ELOVL4: variants seen among roughly 807,000 people sequenced by gnomAD.
ELOVL4 encodes very long chain fatty acid elongase 4.
A neutral mutation model predicts 42.1 loss-of-function variants in ELOVL4; 18 were observed. The observed-to-expected ratio is 0.43, with a 90% CI of 0.30 to 0.63. ELOVL4 has a LOEUF of 0.63. Among genes scored for constraint, ELOVL4 ranks in the 30% least tolerant of loss-of-function variants. ELOVL4 has a pLI of 0.15. For missense variants in ELOVL4, 299 were observed against 376.2 expected, an observed-to-expected ratio of 0.79 and a Z score of 1.70; for synonymous variants, 117 against 127.0, an observed-to-expected ratio of 0.92 and a Z score of 0.53.
In ELOVL4 at chr6:79,920,714, A is replaced by G. The variant is rs796766559; in HGVS notation, c.541+911T>C. On this transcript the variant is annotated intron_variant, in intron 4 of 5. Coordinates refer to ENST00000369816, the MANE Select transcript of ELOVL4 (RefSeq NM_022726.4). The stretch of plus-strand genomic sequence containing the variant: ...AAGCAAAGATGTCACCCGTGTGGAC[A>G]TTATCTGTGGTTGTTTGGCATCAAC... Among the ~76,000 whole-genome samples the G allele has an allele frequency of 7.2e-5, 11 of 152,324 alleles. No homozygotes were observed. In the East Asian group the frequency reaches 1.2e-3, roughly 16 times the overall value.
chr6:79,937,226 G>C (rs1774558832), intron 1 of ELOVL4, among the ~76,000 whole-genome samples: 1 of 152,132 alleles, frequency 6.6e-6, no homozygotes, highest in African/African-American at 2.4e-5. Flanking sequence ...TTCTATAACA[G>C]TTACCCAAGA....
chr6:79,937,477 G>C (rs1031986082), intron 1 of ELOVL4, among the ~76,000 whole-genome samples: 5 of 152,078 alleles, frequency 3.3e-5, no homozygotes, highest in African/African-American at 1.2e-4. Context: ...AATTTGACAG[G>C]GTTAGTATTA....
At chr6:79,926,127 T>G in intron 2 of ELOVL4, 67 bp downstream of exon 2, 1 of 1,360,624 alleles carries the variant, frequency 7.3e-7, no homozygotes, top group Non-Finnish European at 1.0e-6. Flanking sequence ...AATGATGGTT[T>G]TACACATTCT....
chr6:79,935,653 G>C (rs976301041), intron 1 of ELOVL4, among the ~76,000 whole-genome samples: 1 of 152,154 alleles, frequency 6.6e-6, no homozygotes, highest in Non-Finnish European at 1.5e-5. Flanking sequence ...TGGCCCTTTT[G>C]ATTCAGGTAA....
At chr6:79,917,630 G>A (rs1049284194) in intron 5 of ELOVL4, among the ~76,000 whole-genome samples, 7 of 152,088 alleles carry the variant, frequency 4.6e-5, no homozygotes, top group Non-Finnish European at 7.4e-5. Context: ...GACCAGCCTG[G>A]CCAACATGGT....
At chr6:79,932,967 C>G (rs1774474762) in intron 1 of ELOVL4, among the ~76,000 whole-genome samples, 1 of 152,060 alleles carries the variant, frequency 6.6e-6, no homozygotes, top group Non-Finnish European at 1.5e-5. Context: ...ATTAGAAAGA[C>G]CTACAAAAGT....
chr6:79,943,668 T>C (rs1362881107), intron 1 of ELOVL4, among the ~76,000 whole-genome samples: 15 of 152,132 alleles, frequency 9.9e-5, no homozygotes. Flanking sequence ...CCCTAGACTT[T>C]GCAAGATGCA....
intron 1 of ELOVL4, among the ~76,000 whole-genome samples, chr6:79,933,802 G>A (rs1561988507): frequency 1.3e-5 from 2 of 152,214 alleles, no homozygotes; most frequent in Non-Finnish European, 2.9e-5. Flanking sequence ...TAGGACATAA[G>A]AGATGATGGA....
chr6:79,932,551 C>CAA (rs33949073), intron 1 of ELOVL4, among the ~76,000 whole-genome samples: 23,512 of 142,026 alleles, frequency 0.17, 2,106 homozygotes, highest in South Asian at 0.36. Flanking sequence ...GACTCCTTCT[C>CAA]AAAAAAAAAA....
intron 1 of ELOVL4, among the ~76,000 whole-genome samples, chr6:79,928,174 T>C (rs1225191036): frequency 6.6e-6 from 1 of 152,152 alleles, no homozygotes; most frequent in African/African-American, 2.4e-5. Flanking sequence ...ACAAACTCTC[T>C]GTTCTAGGTC....
Position 79,941,857 on chromosome 6 carries a change from TG to T in ELOVL4, c.100+5322del, listed in dbSNP as rs1477546643. Among the ~76,000 whole-genome samples, 5 of 152,296 alleles carry T rather than the reference TG, an allele frequency of 3.3e-5. No individual in the cohort carries two copies. The Middle Eastern group carries it at 0.014, about 414-fold the overall frequency. On this transcript the variant is annotated intron_variant, in intron 1 of 5. Transcript: ENST00000369816. ...AAATATATGTGATAATCTCTGATGT[TG>T]GAGAGAAAGATACAAAGGAGTGAAG...
chr6:79,941,423 C>A (rs1774643120), intron 1 of ELOVL4, among the ~76,000 whole-genome samples: 1 of 152,182 alleles, frequency 6.6e-6, no homozygotes, highest in Non-Finnish European at 1.5e-5. Flanking sequence ...ATGAAGAGAA[C>A]AATCATATCT....
intron 1 of ELOVL4, among the ~76,000 whole-genome samples, chr6:79,942,386 C>T (rs965774139): frequency 6.6e-6 from 1 of 151,560 alleles, no homozygotes; most frequent in African/African-American, 2.4e-5. Context: ...ATAATGAAGA[C>T]GAAAAAAACA....
At chr6:79,919,572 C>A (rs767494464) in intron 4 of ELOVL4, 25 bp from the exon 5 acceptor site, 3 of 1,611,322 alleles carry the variant, frequency 1.9e-6, no homozygotes, top group Admixed American at 1.7e-5. Flanking sequence ...CAGGTAATTA[C>A]AAGATACAGA....
intron 1 of ELOVL4, among the ~76,000 whole-genome samples, chr6:79,928,727 GTTTTTTT>G (rs34673896): frequency 3.0e-4 from 23 of 75,608 alleles, no homozygotes; most frequent in African/African-American, 1.3e-3. Flanking sequence ...TGGTGACTGG[GTTTTTTT>G]TTTTTTTTTT....
At chr6:79,943,933 A>G (rs239517) in intron 1 of ELOVL4, among the ~76,000 whole-genome samples, 35,243 of 151,842 alleles carry the variant, frequency 0.23, 5,911 homozygotes, top group African/African-American at 0.48. Context: ...GCAGGGTACT[A>G]TATCTGCGAA....
rs147782828 is a variant in ELOVL4, at chr6:79,926,665, G to C, written c.101-284C>G. Among the ~76,000 whole-genome samples, 870 of 152,248 alleles carry C rather than the reference G, an allele frequency of 5.7e-3. 8 individuals are homozygous for C. The highest frequency in any genetic ancestry group is 0.02 in the African/African-American group (820 of 41,546). ...GAAATAAAGCGCACTAAAAACAGAG[G>C]TGGTTATCTTGGGATGAAAAGTTAA... On this transcript the variant is annotated intron_variant, in intron 1 of 5. Coordinates refer to ENST00000369816, the MANE Select transcript of ELOVL4 (RefSeq NM_022726.4).
At chr6:79,941,035 C>CT in intron 1 of ELOVL4, among the ~76,000 whole-genome samples, 1 of 152,018 alleles carries the variant, frequency 6.6e-6, no homozygotes, top group East Asian at 1.9e-4. Flanking sequence ...GTTATTTGTA[C>CT]TATTTAGGCA....
chr6:79,943,819 G>C (rs1269738526), intron 1 of ELOVL4, among the ~76,000 whole-genome samples: 1 of 152,120 alleles, frequency 6.6e-6, no homozygotes, highest in Non-Finnish European at 1.5e-5. Context: ...CCCTCTTCCT[G>C]TACCACTCAT....
Sources: allele counts gnomAD v4.1 joint callset (sites outside exome capture counted in the v4.1 genomes callset), GRCh38; gene constraint gnomAD v4.1.1; transcripts MANE v1.5; gene names NCBI Gene and HGNC (gene_info 2026-07-23, HGNC 2026-07-21).